DLG1: variants seen among roughly 807,000 people sequenced by gnomAD.
The protein encoded by DLG1 is disks large homolog 1.
In DLG1, 42 loss-of-function variants were observed where a neutral mutation model predicts 123.4. That is an observed-to-expected ratio of 0.34 (90% CI 0.27 to 0.44). DLG1 has a LOEUF of 0.44. Among genes scored for constraint, DLG1 ranks in the 20% least tolerant of loss-of-function variants. DLG1 has a pLI of 1.00. For missense variants in DLG1, 942 were observed against 1,082.6 expected (o/e 0.87, Z 1.82); for synonymous variants, 317 against 356.2 (o/e 0.89, Z 1.24).
At position 197,066,834 on chromosome 3, in the gene DLG1, A is replaced by G. The variant is rs1216543066; in HGVS notation, c.2048-80T>C. 4.3e-6 allele frequency: 4 copies of G among 939,668 alleles called. No individual in the cohort carries two copies. The East Asian group carries it at 1.0e-4, about 24-fold the overall frequency. 58.2% of individuals were successfully genotyped at this position (939,668 alleles called of 1,614,324 possible). ...CTAATTCTTCATAAACAACATATAC[A>G]TTACTAGAACTTTCCTGAGAAAATG... On this transcript the variant is annotated intron_variant, in intron 19 of 24. Transcript: ENST00000667157.
intron 4 of DLG1, among the ~76,000 whole-genome samples, chr3:197,278,769 C>T (rs1482678641): frequency 2.6e-5 from 4 of 151,720 alleles, no homozygotes; most frequent in Admixed American, 1.3e-4. Context: ...TGGATAGCTG[C>T]TTTAAAGATG....
intron 4 of DLG1, among the ~76,000 whole-genome samples, chr3:197,258,892 T>A (rs1758070912): frequency 6.6e-6 from 1 of 152,166 alleles, no homozygotes; most frequent in Non-Finnish European, 1.5e-5. Context: ...CCAACCTACA[T>A]CCTTCTCTAT....
chr3:197,251,864 G>C (rs534720809), intron 4 of DLG1, among the ~76,000 whole-genome samples: 3 of 152,182 alleles, frequency 2.0e-5, no homozygotes, highest in Non-Finnish European at 4.4e-5. Context: ...CATTTAAAAT[G>C]GGCAAATGAT....
chr3:197,093,399 C>T (rs931874619), intron 14 of DLG1, among the ~76,000 whole-genome samples: 2 of 152,094 alleles, frequency 1.3e-5, no homozygotes, highest in Admixed American at 1.3e-4. Flanking sequence ...CCTCGTAATC[C>T]GCCTGCCTCG....
At chr3:197,256,133 T>C (rs147240812) in intron 4 of DLG1, among the ~76,000 whole-genome samples, 64 of 152,378 alleles carry the variant, frequency 4.2e-4, no homozygotes, top group Admixed American at 9.8e-4. Context: ...TAAAAATCTG[T>C]TTAAAATGAT....
chr3:197,260,750 C>A (rs13067488), intron 4 of DLG1, among the ~76,000 whole-genome samples: 1 of 18,292 alleles, frequency 5.5e-5, no homozygotes, highest in Non-Finnish European at 9.3e-5. Context: ...TGACAACCAC[C>A]AAAAAAAAAA....
intron 18 of DLG1, among the ~76,000 whole-genome samples, chr3:197,071,246 G>C (rs1743731456): frequency 6.6e-6 from 1 of 152,134 alleles, no homozygotes; most frequent in African/African-American, 2.4e-5. Context: ...GTGTAAGTGG[G>C]AGTACAGAAG....
chr3:197,054,380 T>C (rs1356911817), intron 23 of DLG1, among the ~76,000 whole-genome samples: 6 of 152,196 alleles, frequency 3.9e-5, no homozygotes, highest in African/African-American at 9.7e-5. Flanking sequence ...CGTTGACTGC[T>C]TGATGGTGTC....
chr3:197,169,920 A>G (rs975069557), intron 5 of DLG1, among the ~76,000 whole-genome samples: 4 of 151,854 alleles, frequency 2.6e-5, no homozygotes, highest in African/African-American at 9.7e-5. Context: ...CGTACTCTCC[A>G]CCCCTCACAC....
rs1578139256 is a variant in DLG1, at chr3:197,051,637, C to G, written c.2515G>C (p.Ala839Pro). The change falls in exon 24 of 25, where the codon GCC becomes CCC. Residue 839 changes from alanine (A) to proline (P), a missense_variant. Ala to Pro is a conservative substitution (Grantham distance 27, BLOSUM62 -1). Transcript: ENST00000667157. ...ATGGCTCTCTCAAATGTTTTTCTGGCTTGTTCTTCTGTTAGACGCTTATTC... is the reference window on the plus strand; with the variant it reads ...ATGGCTCTCTCAAATGTTTTTCTGGGTTGTTCTTCTGTTAGACGCTTATTC... ...EMNKRLTEEQ[A>P]RKTFERAMKL... 1 of 1,613,688 alleles carries G rather than the reference C, an allele frequency of 6.2e-7. No individual in the cohort carries two copies. Among genetic ancestry groups the G allele is most frequent in the East Asian group, 2.2e-5 (1 of 44,848 alleles).
chr3:197,271,441 T>C (rs1763878759), intron 4 of DLG1, among the ~76,000 whole-genome samples: 2 of 152,294 alleles, frequency 1.3e-5, no homozygotes, highest in East Asian at 1.9e-4. Context: ...CTTCACACTT[T>C]CCCTCACTTC....
chr3:197,257,031 G>A (rs1423529498), intron 4 of DLG1, among the ~76,000 whole-genome samples: 2 of 152,080 alleles, frequency 1.3e-5, no homozygotes, highest in Admixed American at 1.3e-4. Flanking sequence ...TCAGCCAACA[G>A]TAGAGGGCAG....
chr3:197,187,929 T>C (rs749432613), intron 5 of DLG1, among the ~76,000 whole-genome samples: 1 of 152,166 alleles, frequency 6.6e-6, no homozygotes, highest in Non-Finnish European at 1.5e-5. Flanking sequence ...TTCAGAGTCT[T>C]AAATTATAAA....
At chr3:197,071,874 T>C (rs1428405231) in intron 18 of DLG1, among the ~76,000 whole-genome samples, 2 of 152,150 alleles carry the variant, frequency 1.3e-5, no homozygotes, top group Admixed American at 6.5e-5. Flanking sequence ...TAATTGGCAA[T>C]AGCTACTAAG....
At chr3:197,275,463 A>G (rs1188773320) in intron 4 of DLG1, among the ~76,000 whole-genome samples, 2 of 152,226 alleles carry the variant, frequency 1.3e-5, no homozygotes, top group African/African-American at 4.8e-5. Context: ...TCGCACCACT[A>G]TTCACCACTG....
At chr3:197,138,716 T>C (rs886344241) in intron 8 of DLG1, among the ~76,000 whole-genome samples, 3 of 152,208 alleles carry the variant, frequency 2.0e-5, no homozygotes, top group Non-Finnish European at 2.9e-5. Flanking sequence ...TTTATAAAAA[T>C]AGCAAACATT....
intron 4 of DLG1, among the ~76,000 whole-genome samples, chr3:197,219,085 G>C (rs1735560449): frequency 1.3e-5 from 2 of 151,790 alleles, no homozygotes; most frequent in Non-Finnish European, 2.9e-5. Context: ...GGGCCGAGAT[G>C]CGCCACTGCA....
chr3:197,100,069 T>A (rs907796377), intron 14 of DLG1, among the ~76,000 whole-genome samples: 8 of 152,130 alleles, frequency 5.3e-5, no homozygotes, highest in African/African-American at 1.4e-4. Flanking sequence ...AAGGGTCAAC[T>A]GCAGCACAGG....
chr3:197,275,185 CA>C (rs59857108), intron 4 of DLG1, among the ~76,000 whole-genome samples: 99 of 124,018 alleles, frequency 8.0e-4, no homozygotes, highest in Admixed American at 8.1e-4. Context: ...GACTCTGTCT[CA>C]AAAAAAAAAA....
Sources: allele counts gnomAD v4.1 joint callset (sites outside exome capture counted in the v4.1 genomes callset), GRCh38; gene constraint gnomAD v4.1.1; transcripts MANE v1.5; gene names NCBI Gene and HGNC (gene_info 2026-07-23, HGNC 2026-07-21).